Variants in ZNF385D observed in about 807,000 individuals in gnomAD.
The protein encoded by ZNF385D is zinc finger protein 385D.
In ZNF385D, 15 loss-of-function variants were observed where a neutral mutation model predicts 35.8. The ratio of observed to expected loss-of-function variants is 0.42; its 90% confidence interval spans 0.28 to 0.64. ZNF385D has a LOEUF of 0.64. Among genes scored for constraint, ZNF385D ranks in the 30% least tolerant of loss-of-function variants. ZNF385D has a pLI of 0.23. For missense variants in ZNF385D, 474 were observed against 494.6 expected, an observed-to-expected ratio of 0.96 and a Z score of 0.39; for synonymous variants, 212 against 186.8, an observed-to-expected ratio of 1.13 and a Z score of -1.10.
At chr3:21,915,041 A>G (rs1307550664) in intron 3 of ZNF385D, among the ~76,000 whole-genome samples, 1 of 148,934 alleles carries the variant, frequency 6.7e-6, no homozygotes, top group African/African-American at 2.5e-5. Context: ...CCAGAGTGTA[A>G]AAATTATTTT....
chr3:21,546,201 C>T (rs2062366093), intron 3 of ZNF385D, among the ~76,000 whole-genome samples: 1 of 152,150 alleles, frequency 6.6e-6, no homozygotes, highest in African/African-American at 2.4e-5. Flanking sequence ...TACACTAACC[C>T]TGCTTGTTCC....
intron 3 of ZNF385D, among the ~76,000 whole-genome samples, chr3:22,058,891 G>A (rs180712845): frequency 6.6e-6 from 1 of 152,316 alleles, no homozygotes; most frequent in Admixed American, 6.5e-5. Flanking sequence ...ATAGCAAGAA[G>A]TTTGGTGTCT....
chr3:22,323,866 A>G (rs1452624212), intron 2 of ZNF385D, among the ~76,000 whole-genome samples: 1 of 152,198 alleles, frequency 6.6e-6, no homozygotes. Context: ...AAAATTGCTA[A>G]AAGTCACATA....
chr3:21,815,811 T>A (rs1168512581), intron 3 of ZNF385D, among the ~76,000 whole-genome samples: 1 of 152,150 alleles, frequency 6.6e-6, no homozygotes, highest in South Asian at 2.1e-4. Context: ...AAAGAGGAAA[T>A]CCTCCCTAAC....
At chr3:22,368,778 C>T (rs1392158868) in intron 2 of ZNF385D, among the ~76,000 whole-genome samples, 1 of 152,154 alleles carries the variant, frequency 6.6e-6, no homozygotes, top group African/African-American at 2.4e-5. Flanking sequence ...AAATACTATC[C>T]CATTAAGGGC....
chr3:21,713,357 A>G (rs925846233), intron 1 of ZNF385D, among the ~76,000 whole-genome samples: 5 of 152,120 alleles, frequency 3.3e-5, no homozygotes, highest in African/African-American at 1.2e-4. Flanking sequence ...GTTTCTTTTC[A>G]CCATCTTGGT....
At chr3:21,809,701 T>C (rs34098687) in intron 3 of ZNF385D, among the ~76,000 whole-genome samples, 37,753 of 150,574 alleles carry the variant, frequency 0.25, 4,965 homozygotes, top group Middle Eastern at 0.32. Flanking sequence ...TATACATATA[T>C]ACACATATAT....
chr3:21,671,128 T>G lies in ZNF385D; in HGVS notation c.23-6100A>C, dbSNP rs573394001. On this transcript the variant is annotated intron_variant, in intron 1 of 7. Transcript: ENST00000281523. ...CTTTCATAAATATTCATGGCTCCTT[T>G]TATAGCATATTACACATGTATTTGG... Among the ~76,000 whole-genome samples, 9 of 152,198 alleles carry G rather than the reference T, an allele frequency of 5.9e-5. No individual in the cohort carries two copies. The East Asian group carries it at 1.6e-3, about 26-fold the overall frequency.
exon 3 of ZNF385D, chr3:22,168,905 T>G (rs1286776747): frequency 1.0e-6 from 1 of 985,762 alleles, no homozygotes; most frequent in Non-Finnish European, 1.2e-6. Context: ...CTTGAGCGGC[T>G]GAATTCAGCT....
chr3:22,082,765 C>A (rs570864526), intron 3 of ZNF385D, among the ~76,000 whole-genome samples: 8 of 152,348 alleles, frequency 5.3e-5, no homozygotes, highest in African/African-American at 1.7e-4. Flanking sequence ...GGGTCCCTAA[C>A]CCCCGTGTAG....
intron 3 of ZNF385D, among the ~76,000 whole-genome samples, chr3:21,869,293 C>T (rs1013881223): frequency 6.6e-5 from 10 of 152,072 alleles, no homozygotes; most frequent in Non-Finnish European, 1.5e-4. Context: ...CGAAAATCCT[C>T]TTCAGAGGCG....
At chr3:22,288,329 A>G (rs983609214) in intron 2 of ZNF385D, among the ~76,000 whole-genome samples, 4 of 151,884 alleles carry the variant, frequency 2.6e-5, no homozygotes, top group South Asian at 2.1e-4. Flanking sequence ...TTATTTGAGT[A>G]TATTTTTGGT....
At chr3:22,311,414 T>C (rs1703541636) in intron 2 of ZNF385D, among the ~76,000 whole-genome samples, 1 of 152,048 alleles carries the variant, frequency 6.6e-6, no homozygotes, top group African/African-American at 2.4e-5. Context: ...ACTACTTTAA[T>C]AAATGTGGTT....
At chr3:22,170,724 TA>T (rs1383971371) in intron 2 of ZNF385D, among the ~76,000 whole-genome samples, 2 of 152,076 alleles carry the variant, frequency 1.3e-5, no homozygotes, top group East Asian at 1.9e-4. Context: ...TTTATATAAA[TA>T]AAAAAATGTA....
At chr3:21,620,782 C>T (rs2064982818) in intron 2 of ZNF385D, among the ~76,000 whole-genome samples, 1 of 152,090 alleles carries the variant, frequency 6.6e-6, no homozygotes, top group South Asian at 2.1e-4. Context: ...GAAATGTCTT[C>T]AGTAAGAGGC....
chr3:21,844,038 G>T (rs537628555), intron 3 of ZNF385D, among the ~76,000 whole-genome samples: 8 of 152,052 alleles, frequency 5.3e-5, no homozygotes, highest in African/African-American at 1.9e-4. Flanking sequence ...TCTTGTTCTA[G>T]GAATTGTGTT....
chr3:21,500,582 G>C (rs775451029), intron 4 of ZNF385D, among the ~76,000 whole-genome samples: 3 of 152,160 alleles, frequency 2.0e-5, no homozygotes, highest in Admixed American at 1.3e-4. Flanking sequence ...TCTTTTGTGC[G>C]TTAGCATGTG....
At chr3:21,566,611 A>ACTC (rs1354679914) in intron 2 of ZNF385D, among the ~76,000 whole-genome samples, 1 of 151,960 alleles carries the variant, frequency 6.6e-6, no homozygotes, top group Admixed American at 6.6e-5. Context: ...ACAGAGTGAG[A>ACTC]CTCTGTCTCA....
chr3:22,079,087 A>G (rs963687746), intron 3 of ZNF385D, among the ~76,000 whole-genome samples: 4 of 152,068 alleles, frequency 2.6e-5, no homozygotes, highest in African/African-American at 4.8e-5. Flanking sequence ...AAAAATGTGA[A>G]CAGAAGTGTG....
Sources: gnomAD v4.1 joint callset for allele counts (sites outside exome capture counted in the v4.1 genomes callset) on GRCh38, gnomAD v4.1.1 for gene constraint, MANE v1.5 for transcripts, NCBI Gene and HGNC (gene_info 2026-07-23, HGNC 2026-07-21) for gene names.